GABBR2: variants seen among roughly 807,000 people sequenced by gnomAD.
The protein encoded by GABBR2 is gamma-aminobutyric acid type B receptor subunit 2, also known as G-protein coupled receptor 51.
GABBR2 carries 23 observed loss-of-function variants against 105.6 expected under a neutral mutation model. The observed-to-expected ratio is 0.22, with a 90% confidence interval of 0.16 to 0.31. The LOEUF (loss-of-function observed/expected upper bound fraction) is 0.31. Ranked by LOEUF, GABBR2 falls within the 10% of genes least tolerant of loss-of-function variation. The pLI, the probability that GABBR2 is intolerant of heterozygous loss-of-function variation, is 1.00. For missense variants in GABBR2, 734 were observed against 1,245.5 expected, an observed-to-expected ratio of 0.59 and a Z score of 6.18; for synonymous variants, 478 against 499.7, an observed-to-expected ratio of 0.96 and a Z score of 0.58.
chr9:98,381,117 C>T (rs181081571), intron 11 of GABBR2, among the ~76,000 whole-genome samples: 1 of 152,360 alleles, frequency 6.6e-6, no homozygotes, highest in East Asian at 1.9e-4. Flanking sequence ...GCCTATCCCT[C>T]CTCCTACATC....
intron 13 of GABBR2, among the ~76,000 whole-genome samples, chr9:98,337,896 C>T (rs899197067): frequency 2.6e-5 from 4 of 152,112 alleles, no homozygotes; most frequent in Non-Finnish European, 5.9e-5. Context: ...GTGGTGGGTG[C>T]CTGTAATCCC....
At chr9:98,519,710 C>CT (rs11386577) in intron 3 of GABBR2, among the ~76,000 whole-genome samples, 63,974 of 142,468 alleles carry the variant, frequency 0.45, 14,490 homozygotes, top group East Asian at 0.66. Flanking sequence ...GAGCCGGCAA[C>CT]TTTTTTTTTT....
intron 18 of GABBR2, among the ~76,000 whole-genome samples, chr9:98,292,062 G>T (rs907806898): frequency 6.6e-6 from 1 of 152,156 alleles, no homozygotes; most frequent in African/African-American, 2.4e-5. Context: ...GGCTGCTTGC[G>T]GCAAATGTGC....
At chr9:98,560,438 CACAT>C (rs1338058459) in intron 2 of GABBR2, among the ~76,000 whole-genome samples, 26 of 144,170 alleles carry the variant, frequency 1.8e-4, no homozygotes, top group African/African-American at 6.0e-4. Flanking sequence ...CACACACACA[CACAT>C]ACACACACAC....
chr9:98,678,724 T>A (rs1362163109), intron 1 of GABBR2, among the ~76,000 whole-genome samples: 1 of 152,118 alleles, frequency 6.6e-6, no homozygotes, highest in East Asian at 1.9e-4. Flanking sequence ...CTCTTTCACA[T>A]CCTCCTAAAA....
chr9:98,585,528 T>G (rs541741836), intron 1 of GABBR2, among the ~76,000 whole-genome samples: 2 of 149,394 alleles, frequency 1.3e-5, no homozygotes, highest in African/African-American at 4.9e-5. Context: ...CATTAGGAGA[T>G]ATACCTAATG....
intron 1 of GABBR2, among the ~76,000 whole-genome samples, chr9:98,643,611 A>G (rs1349384340): frequency 6.6e-6 from 1 of 152,164 alleles, no homozygotes; most frequent in South Asian, 2.1e-4. Flanking sequence ...AATTAGCTCA[A>G]TATTCATACC....
rs1830431167 is a variant in GABBR2 at position 98,299,297 on chromosome 9, G to A, written c.2469C>T (p.Thr823=). Residue 823 remains threonine, a synonymous_variant, in exon 17 of 19, where the codon ACC becomes ACT. Transcript: ENST00000259455. ...TMQLQDTPEK[T]TYIKQNHYQE... is the part of the protein sequence containing the mutation. ...GGTAGTGGTTCTGTTTAATGTAGGT[G>A]GTCTTTTCTGGTGTGTCCTGCAGCT... 1 of 1,613,556 alleles carries A rather than the reference G, an allele frequency of 6.2e-7. No individual in the cohort carries two copies. The highest frequency in any genetic ancestry group is 8.5e-7 in the Non-Finnish European group (1 of 1,179,604).
At chr9:98,319,929 T>A (rs186441393) in intron 13 of GABBR2, among the ~76,000 whole-genome samples, 1 of 152,282 alleles carries the variant, frequency 6.6e-6, no homozygotes, top group East Asian at 1.9e-4. Context: ...AAGGACTTCA[T>A]GTCTAAAACA....
At chr9:98,344,800 C>A (rs1025535024) in intron 13 of GABBR2, among the ~76,000 whole-genome samples, 1 of 152,190 alleles carries the variant, frequency 6.6e-6, no homozygotes, top group Non-Finnish European at 1.5e-5. Flanking sequence ...TTACTACACT[C>A]ACTCTCATGA....
At chr9:98,688,015 AG>A (rs1488183507) in intron 1 of GABBR2, among the ~76,000 whole-genome samples, 1 of 152,166 alleles carries the variant, frequency 6.6e-6, no homozygotes, top group Non-Finnish European at 1.5e-5. Context: ...CCAGCCTGCC[AG>A]GGTAGTCTGA....
At chr9:98,574,240 C>T (rs1057066828) in intron 2 of GABBR2, among the ~76,000 whole-genome samples, 2 of 152,260 alleles carry the variant, frequency 1.3e-5, no homozygotes, top group Non-Finnish European at 2.9e-5. Context: ...CACCTTGGTA[C>T]TATTCCTCTC....
intron 1 of GABBR2, among the ~76,000 whole-genome samples, chr9:98,675,842 C>G (rs981420450): frequency 1.3e-5 from 2 of 152,190 alleles, no homozygotes; most frequent in Admixed American, 1.3e-4. Flanking sequence ...CAATACTCCA[C>G]CAAATGTTGC....
intron 2 of GABBR2, chr9:98,555,560 G>C (rs924018693): frequency 3.9e-5 from 6 of 152,118 alleles, no homozygotes; most frequent in East Asian, 3.8e-4. Flanking sequence ...TGGTTTCCTC[G>C]GCTCCTTTGC....
At chr9:98,705,551 T>C (rs1830882444) in intron 1 of GABBR2, among the ~76,000 whole-genome samples, 1 of 152,192 alleles carries the variant, frequency 6.6e-6, no homozygotes. Context: ...CACCCTGTGT[T>C]AAAGTCTACA....
chr9:98,590,647 C>T (rs1007320471), intron 1 of GABBR2, among the ~76,000 whole-genome samples: 3 of 152,336 alleles, frequency 2.0e-5, no homozygotes, highest in Middle Eastern at 3.4e-3. Context: ...AGCCCTTCTC[C>T]GGGGGTGGGG....
intron 13 of GABBR2, among the ~76,000 whole-genome samples, chr9:98,326,104 A>G (rs983862870): frequency 5.3e-5 from 8 of 152,218 alleles, no homozygotes; most frequent in Non-Finnish European, 1.5e-5. Context: ...GTAATTGGGA[A>G]GAGCCAAATG....
chr9:98,687,445 C>T (rs944917202), intron 1 of GABBR2, among the ~76,000 whole-genome samples: 1 of 152,046 alleles, frequency 6.6e-6, no homozygotes, highest in African/African-American at 2.4e-5. Context: ...ACTGACTTAG[C>T]AGGATTCTTG....
chr9:98,432,083 A>G (rs1825822616), intron 7 of GABBR2, among the ~76,000 whole-genome samples: 1 of 152,098 alleles, frequency 6.6e-6, no homozygotes, highest in Non-Finnish European at 1.5e-5. Flanking sequence ...TTTAGTAGAG[A>G]CAGGGTTTCA....
Sources: allele counts gnomAD v4.1 joint callset (sites outside exome capture counted in the v4.1 genomes callset), GRCh38; gene constraint gnomAD v4.1.1; transcripts MANE v1.5; gene names NCBI Gene and HGNC (gene_info 2026-07-23, HGNC 2026-07-21).